The following CSMD1 variants were observed in gnomAD, a reference collection of about 807,000 sequenced individuals.
The protein encoded by CSMD1 is CUB and Sushi multiple domains 1.
CSMD1 carries 213 observed loss-of-function variants against 417.5 expected under a neutral mutation model. That is an observed-to-expected ratio of 0.51 (90% CI 0.46 to 0.57). The LOEUF is 0.57. Ranked by LOEUF, CSMD1 falls within the 20% of genes least tolerant of loss-of-function variation. The pLI, the probability that CSMD1 is intolerant of heterozygous loss-of-function variation, is 0.00. For synonymous variants in CSMD1, 2,862 were observed against 1,736.8 expected (o/e 1.65, Z -16.11); for missense variants, 6,923 against 4,529.7 (o/e 1.53, Z -15.17).
intron 5 of CSMD1, among the ~76,000 whole-genome samples, chr8:3,778,031 G>A (rs1798986558): frequency 6.6e-6 from 1 of 152,248 alleles, no homozygotes. Context: ...TGGCTGTCTG[G>A]CTGTCTGTGC....
intron 1 of CSMD1, among the ~76,000 whole-genome samples, chr8:4,781,032 C>G (rs17432254): frequency 0.083 from 12,655 of 152,238 alleles, 590 homozygotes; most frequent in Middle Eastern, 0.099. Flanking sequence ...CTGCAAATAG[C>G]TTTTCCTGCT....
intron 5 of CSMD1, among the ~76,000 whole-genome samples, chr8:3,773,655 G>T (rs1359949304): frequency 6.6e-6 from 1 of 151,998 alleles, no homozygotes; most frequent in Admixed American, 6.6e-5. Context: ...TTCAATTTTG[G>T]CCTTATTCTC....
At chr8:3,203,668 G>C (rs1375354849) in intron 31 of CSMD1, among the ~76,000 whole-genome samples, 1 of 152,132 alleles carries the variant, frequency 6.6e-6, no homozygotes, top group East Asian at 1.9e-4. Context: ...GGATCTCAAA[G>C]GCCACCCTGA....
chr8:3,982,952 AAAACAAAC>A (rs996169181), intron 5 of CSMD1, among the ~76,000 whole-genome samples: 5 of 152,106 alleles, frequency 3.3e-5, no homozygotes, highest in African/African-American at 1.2e-4. Context: ...GATGAAAAAC[AAAACAAAC>A]AAACAAACAA....
At chr8:4,955,663 C>T (rs551816304) in intron 1 of CSMD1, among the ~76,000 whole-genome samples, 71 of 152,180 alleles carry the variant, frequency 4.7e-4, no homozygotes, top group African/African-American at 1.7e-3. Flanking sequence ...CCCATATTGG[C>T]CAGGCTGGTC....
chr8:4,742,881 G>C (rs1157776357), intron 1 of CSMD1, among the ~76,000 whole-genome samples: 1 of 152,030 alleles, frequency 6.6e-6, no homozygotes, highest in Non-Finnish European at 1.5e-5. Flanking sequence ...GTTTATAAGA[G>C]ACATGTCTAT....
chr8:4,500,379 C>A (rs568074951), intron 2 of CSMD1, among the ~76,000 whole-genome samples: 2 of 152,118 alleles, frequency 1.3e-5, no homozygotes, highest in African/African-American at 4.8e-5. Flanking sequence ...CAAATGTGTT[C>A]ATATATCACA....
At chr8:3,277,353 G>A (rs932132343) in intron 26 of CSMD1, among the ~76,000 whole-genome samples, 2 of 152,144 alleles carry the variant, frequency 1.3e-5, no homozygotes, top group Admixed American at 1.3e-4. Context: ...GTGCGCAGGT[G>A]GGCCAGAAAG....
chr8:3,821,954 G>T (rs569307258), intron 5 of CSMD1, among the ~76,000 whole-genome samples: 1 of 152,076 alleles, frequency 6.6e-6, no homozygotes, highest in African/African-American at 2.4e-5. Flanking sequence ...ACATTTCCAG[G>T]CCCTTCTCTC....
chr8:3,243,873 T>C (rs1031207083), intron 26 of CSMD1, among the ~76,000 whole-genome samples: 18 of 152,066 alleles, frequency 1.2e-4, no homozygotes, highest in Admixed American at 5.2e-4. Context: ...TAAAACAAAG[T>C]TGGGGCCACA....
At chr8:4,679,028 G>A (rs1053774482) in intron 1 of CSMD1, among the ~76,000 whole-genome samples, 3 of 152,218 alleles carry the variant, frequency 2.0e-5, no homozygotes, top group Non-Finnish European at 4.4e-5. Context: ...GCCCAAGATG[G>A]TTCATTGTTT....
intron 18 of CSMD1, among the ~76,000 whole-genome samples, chr8:3,374,503 G>C (rs1472202534): frequency 1.3e-5 from 2 of 152,092 alleles, no homozygotes; most frequent in Non-Finnish European, 2.9e-5. Context: ...TTTATTCTAA[G>C]AACAAGAATA....
intron 3 of CSMD1, among the ~76,000 whole-genome samples, chr8:4,255,202 T>C (rs1158633502): frequency 5.9e-5 from 9 of 152,210 alleles, no homozygotes; most frequent in African/African-American, 2.2e-4. Context: ...TGCCAACTAA[T>C]TTTTATAAGC....
At chr8:4,065,358 G>A (rs995331624) in intron 3 of CSMD1, among the ~76,000 whole-genome samples, 5 of 152,130 alleles carry the variant, frequency 3.3e-5, no homozygotes, top group Non-Finnish European at 5.9e-5. Flanking sequence ...CCAAAGTCAT[G>A]GATAGTTAGT....
intron 3 of CSMD1, among the ~76,000 whole-genome samples, chr8:4,065,271 C>A (rs1325913392): frequency 6.6e-6 from 1 of 152,234 alleles, no homozygotes; most frequent in East Asian, 1.9e-4. Context: ...ACCACTGACT[C>A]TGTTGGGCAG....
intron 1 of CSMD1, among the ~76,000 whole-genome samples, chr8:4,648,817 T>C (rs570366236): frequency 4.3e-4 from 65 of 152,276 alleles, no homozygotes; most frequent in African/African-American, 1.5e-3. Flanking sequence ...ACCACTTGTC[T>C]GGTAAAATGT....
intron 41 of CSMD1, among the ~76,000 whole-genome samples, chr8:3,140,345 C>A (rs1016068283): frequency 4.4e-5 from 5 of 113,982 alleles, no homozygotes; most frequent in African/African-American, 1.4e-4. Flanking sequence ...CTCTCTCTCT[C>A]TCTGTCTCTC....
chr8:3,090,715 C>T (rs1814883673), intron 48 of CSMD1, among the ~76,000 whole-genome samples: 1 of 152,142 alleles, frequency 6.6e-6, no homozygotes, highest in Admixed American at 6.6e-5. Context: ...CACGGGAAAA[C>T]ATAACTTGAA....
intron 5 of CSMD1, among the ~76,000 whole-genome samples, chr8:3,991,377 T>C (rs1278415044): frequency 6.6e-6 from 1 of 152,332 alleles, no homozygotes; most frequent in Non-Finnish European, 1.5e-5. Context: ...CTTCAGTGCG[T>C]CACGGTTGCA....
Sources: allele counts gnomAD v4.1 joint callset (sites outside exome capture counted in the v4.1 genomes callset), GRCh38; gene constraint gnomAD v4.1.1; transcripts MANE v1.5; gene names NCBI Gene and HGNC (gene_info 2026-07-23, HGNC 2026-07-21).